The following PDE1A variants were observed in gnomAD, a reference collection of about 807,000 sequenced individuals.
PDE1A encodes the protein phosphodiesterase 1A.
In PDE1A, 35 loss-of-function variants were observed where a neutral mutation model predicts 61.7. The observed-to-expected ratio is 0.57, with a 90% CI of 0.43 to 0.75. The LOEUF is 0.75. PDE1A is among the 30% of genes least tolerant of loss of function. PDE1A has a pLI of 0.00. For missense variants in PDE1A, 597 were observed against 630.6 expected (o/e 0.95, Z 0.57); for synonymous variants, 232 against 213.2 (o/e 1.09, Z -0.77).
chr2:182,287,882 G>C (rs1273178379), intron 1 of PDE1A, among the ~76,000 whole-genome samples: 3 of 152,116 alleles, frequency 2.0e-5, no homozygotes, highest in African/African-American at 7.2e-5. Flanking sequence ...TTATATTTAT[G>C]TGTAGTAAAC....
At chr2:182,409,739 C>T (rs1268605346) in intron 1 of PDE1A, among the ~76,000 whole-genome samples, 1 of 152,146 alleles carries the variant, frequency 6.6e-6, no homozygotes, top group African/African-American at 2.4e-5. Flanking sequence ...GATGAACCTC[C>T]AGTCTCATTG....
chr2:182,424,741 T>C (rs564917389), intron 1 of PDE1A, among the ~76,000 whole-genome samples: 1 of 152,292 alleles, frequency 6.6e-6, no homozygotes, highest in South Asian at 2.1e-4. Flanking sequence ...ATATTCTCCA[T>C]CTCCCTTTTC....
chr2:182,553,962 TA>T, the PDE1A span, among the ~76,000 whole-genome samples: 1 of 152,104 alleles, frequency 6.6e-6, no homozygotes, highest in Non-Finnish European at 1.5e-5. Flanking sequence ...AGCAATGAAG[TA>T]AAAAACTGAC....
chr2:182,448,896 A>ATATGGAT (rs1685313484), intron 2 of PDE1A, among the ~76,000 whole-genome samples: 1 of 152,084 alleles, frequency 6.6e-6, no homozygotes, highest in Non-Finnish European at 1.5e-5. Context: ...GGGGAAACTG[A>ATATGGAT]GACCACAAGA....
At chr2:182,556,471 TATAA>T in the PDE1A span, among the ~76,000 whole-genome samples, 17 of 152,274 alleles carry the variant, frequency 1.1e-4, 1 homozygote, top group African/African-American at 4.1e-4. Flanking sequence ...AAAATACTCC[TATAA>T]ATAAATTAAA....
the PDE1A span, among the ~76,000 whole-genome samples, chr2:182,605,019 G>C: frequency 7.6e-6 from 1 of 131,898 alleles, no homozygotes; most frequent in African/African-American, 3.0e-5. Context: ...GTCTCTGGGT[G>C]GGGGCCTGAG....
intron 1 of PDE1A, among the ~76,000 whole-genome samples, chr2:182,272,812 C>A (rs1044076941): frequency 6.6e-5 from 10 of 151,832 alleles, no homozygotes; most frequent in African/African-American, 2.2e-4. Context: ...TGAAAAAATA[C>A]AATAATTATG....
At chr2:182,649,237 C>T in the PDE1A span, among the ~76,000 whole-genome samples, 6 of 152,278 alleles carry the variant, frequency 3.9e-5, no homozygotes, top group Middle Eastern at 3.4e-3. Context: ...TGCCTGGCGA[C>T]AGGGTATGTG....
intron 1 of PDE1A, among the ~76,000 whole-genome samples, chr2:182,382,393 C>T (rs1460571322): frequency 1.3e-5 from 2 of 152,210 alleles, no homozygotes; most frequent in Admixed American, 1.3e-4. Context: ...TGACTAACAA[C>T]CAGCAAGTAA....
the PDE1A span, among the ~76,000 whole-genome samples, chr2:182,639,070 A>T: frequency 3.7e-4 from 57 of 152,232 alleles, no homozygotes; most frequent in Admixed American, 2.1e-3. Context: ...AAGAGCAGGA[A>T]AACTTACCAA....
the PDE1A span, among the ~76,000 whole-genome samples, chr2:182,607,044 G>C: frequency 1.3e-5 from 2 of 151,924 alleles, no homozygotes; most frequent in Admixed American, 6.6e-5. Context: ...GAAATGTAAC[G>C]TGGGGGGAAA....
the PDE1A span, among the ~76,000 whole-genome samples, chr2:182,694,166 T>C: frequency 1.3e-5 from 2 of 152,224 alleles, no homozygotes; most frequent in Admixed American, 6.5e-5. Context: ...GTGGTGTGAA[T>C]AGAGACCCAA....
chr2:182,408,055 GT>G, intron 1 of PDE1A, among the ~76,000 whole-genome samples: 1 of 152,078 alleles, frequency 6.6e-6, no homozygotes, highest in Non-Finnish European at 1.5e-5. Flanking sequence ...TTGCTGGCAT[GT>G]GATGATAATA....
the PDE1A span, among the ~76,000 whole-genome samples, chr2:182,703,053 A>G: frequency 6.6e-6 from 1 of 152,226 alleles, no homozygotes; most frequent in Admixed American, 6.5e-5. Context: ...CATGTACTTA[A>G]GCTGATTGTT....
intron 2 of PDE1A, among the ~76,000 whole-genome samples, chr2:182,435,624 C>T (rs908891480): frequency 6.6e-6 from 1 of 152,004 alleles, no homozygotes; most frequent in Non-Finnish European, 1.5e-5. Context: ...TTCCATTACT[C>T]CCCAAACATG....
chr2:182,627,251 A>G, the PDE1A span, among the ~76,000 whole-genome samples: 9 of 24,086 alleles, frequency 3.7e-4, no homozygotes, highest in Non-Finnish European at 5.8e-4. Flanking sequence ...AAATATAAAT[A>G]ATATATTATT....
the PDE1A span, among the ~76,000 whole-genome samples, chr2:182,705,538 C>T: frequency 6.6e-6 from 1 of 151,654 alleles, no homozygotes; most frequent in African/African-American, 2.4e-5. Flanking sequence ...CGGAATCTCG[C>T]TCTGTCACCA....
chr2:182,506,876 A>G (rs1689445051), intron 2 of PDE1A, among the ~76,000 whole-genome samples: 3 of 152,174 alleles, frequency 2.0e-5, no homozygotes, highest in Admixed American at 2.0e-4. Context: ...TCTTTTATGC[A>G]ACTATGCAGT....
the PDE1A span, among the ~76,000 whole-genome samples, chr2:182,555,198 A>C: frequency 2.6e-5 from 4 of 152,230 alleles, no homozygotes; most frequent in Non-Finnish European, 5.9e-5. Flanking sequence ...AATAAACAGA[A>C]TCTTAACCAA....
Sources: allele counts gnomAD v4.1 joint callset (sites outside exome capture counted in the v4.1 genomes callset), GRCh38; gene constraint gnomAD v4.1.1; transcripts MANE v1.5; gene names NCBI Gene and HGNC (gene_info 2026-07-23, HGNC 2026-07-21).